Variants in EPG5 observed in about 807,000 individuals in gnomAD.
EPG5 encodes the protein ectopic P granules protein 5 homolog.
A neutral mutation model predicts 302.7 loss-of-function variants in EPG5; 159 were observed. The observed-to-expected ratio is 0.53, with a 90% confidence interval of 0.46 to 0.60. The LOEUF is 0.60. Ranked by LOEUF, EPG5 falls within the 20% of genes least tolerant of loss-of-function variation. The pLI is 0.00. For synonymous variants in EPG5, 1,158 were observed against 1,136.8 expected, an observed-to-expected ratio of 1.02 and a Z score of -0.37; for missense variants, 2,896 against 3,092.4, an observed-to-expected ratio of 0.94 and a Z score of 1.51.
chr18:45,932,205 A>G (rs1318583896), intron 11 of EPG5, among the ~76,000 whole-genome samples: 1 of 152,186 alleles, frequency 6.6e-6, no homozygotes, highest in Non-Finnish European at 1.5e-5. Context: ...AAGGCCTTAT[A>G]TTTTAAATAA....
the EPG5 span, among the ~76,000 whole-genome samples, chr18:45,803,579 C>T: frequency 1.3e-5 from 2 of 152,090 alleles, no homozygotes. Context: ...GAGGGCAACC[C>T]CAGCTGCTAG....
chr18:45,837,919 C>A, the EPG5 span: 1 of 1,466,406 alleles, frequency 6.8e-7, no homozygotes, highest in Non-Finnish European at 8.9e-7. Context: ...GGGAGCGGGT[C>A]CCCGGCCTCC....
chr18:45,934,689 C>T, intron 11 of EPG5, 120 bp downstream of exon 11: 1 of 1,115,634 alleles, frequency 9.0e-7, no homozygotes, highest in Non-Finnish European at 1.2e-6. Context: ...AAAATCATTA[C>T]ACATGAGTAT....
intron 27 of EPG5, among the ~76,000 whole-genome samples, chr18:45,894,331 C>T (rs2049421334): frequency 6.6e-6 from 1 of 151,946 alleles, no homozygotes; most frequent in African/African-American, 2.4e-5. Flanking sequence ...ACGGTGGCAC[C>T]TGCCTGTAAT....
At position 45,949,586 on chromosome 18, in the gene EPG5, G is replaced by A. The variant is rs374133150; in HGVS notation, c.1395C>T (p.Ser465=). The A allele has an allele frequency of 4.1e-5, 66 of 1,601,010 alleles. No homozygotes were observed. The highest frequency in any genetic ancestry group is 3.6e-4 in the South Asian group (33 of 90,486). The part of the protein sequence containing the change: ...DILLWLQKLV[S]VLQRVGCPGD... ...CAGGACAGCCAACTCTTTGTAGCAC[G>A]GATACCTGAACAATAAAGGTCATAT... The change falls in exon 5 of 44, where the codon TCC becomes TCT. Residue 465 remains serine, a synonymous_variant. Coordinates refer to ENST00000282041, the MANE Select transcript of EPG5 (RefSeq NM_020964.3).
At chr18:45,835,854 G>C in the EPG5 span, among the ~76,000 whole-genome samples, 2 of 152,198 alleles carry the variant, frequency 1.3e-5, no homozygotes, top group African/African-American at 4.8e-5. Flanking sequence ...TACAATGAAG[G>C]AAGAGGACAG....
In EPG5 at chr18:45,872,088, G is replaced by C. The variant is rs537506186; in HGVS notation, c.6050-1346C>G. 4.6e-5 allele frequency among the ~76,000 whole-genome samples: 7 copies of C among 152,186 alleles called. No homozygotes were observed. In the East Asian group the frequency reaches 1.4e-3, roughly 29 times the overall value. On this transcript the variant is annotated intron_variant, in intron 35 of 43. Coordinates refer to ENST00000282041, the MANE Select transcript of EPG5 (RefSeq NM_020964.3). ...AAATAACATTAATTTTTTAATTTTA[G>C]AAACGGTGGAAATGTTCCAAATGAC...
intron 11 of EPG5, among the ~76,000 whole-genome samples, chr18:45,933,426 C>A (rs1040752656): frequency 1.3e-5 from 2 of 152,184 alleles, no homozygotes; most frequent in African/African-American, 4.8e-5. Context: ...CGCCTATTAT[C>A]CCAGCGTTTT....
intron 30 of EPG5, among the ~76,000 whole-genome samples, chr18:45,883,308 T>A (rs1406508202): frequency 1.3e-5 from 2 of 152,166 alleles, no homozygotes; most frequent in Non-Finnish European, 2.9e-5. Context: ...TGTCTCAATT[T>A]AACAGCCATG....
At chr18:45,917,286 T>C (rs1269154379) in intron 17 of EPG5, among the ~76,000 whole-genome samples, 1 of 152,214 alleles carries the variant, frequency 6.6e-6, no homozygotes, top group Non-Finnish European at 1.5e-5. Context: ...ATCTTATCTG[T>C]TTGCAACACT....
the EPG5 span, among the ~76,000 whole-genome samples, chr18:45,815,248 A>T: frequency 6.6e-6 from 1 of 152,194 alleles, no homozygotes; most frequent in East Asian, 1.9e-4. Flanking sequence ...AGTCTTAGTA[A>T]TTGCTCATTG....
Position 45,917,797 on chromosome 18 carries a change from C to T in EPG5, c.3121G>A (p.Gly1041Ser). The T allele has an allele frequency of 1.2e-6, 2 of 1,614,128 alleles. No individual in the cohort carries two copies. The highest frequency in any genetic ancestry group is 1.7e-6 in the Non-Finnish European group (2 of 1,179,994). Reference protein sequence around the residue: ...GHSIEKFCAEGIPLLGILVQS... With the variant: ...GHSIEKFCAESIPLLGILVQS... ...ACCAGAATTCCCAATAGTGGGATGC[C>T]TTCTGCACAGAACTTCTCAATGCTA... Residue 1041 changes from glycine to serine, a missense_variant, in exon 17 of 44, where the codon GGC becomes AGC. Gly to Ser is a moderately conservative substitution (Grantham distance 56, BLOSUM62 0). Transcript: ENST00000282041.
intron 39 of EPG5, among the ~76,000 whole-genome samples, chr18:45,862,852 G>A (rs1371581436): frequency 6.6e-6 from 1 of 152,178 alleles, no homozygotes; most frequent in Admixed American, 6.5e-5. Context: ...TCCCATGTTA[G>A]CTGCATCCCA....
At chr18:45,842,210 C>G in the EPG5 span, 1 of 1,612,824 alleles carries the variant, frequency 6.2e-7, no homozygotes. Context: ...CCACCAACAT[C>G]CATTTCAGCA....
At chr18:45,966,926 G>A (rs944037411) in intron 1 of EPG5, among the ~76,000 whole-genome samples, 2 of 152,198 alleles carry the variant, frequency 1.3e-5, no homozygotes, top group African/African-American at 4.8e-5. Context: ...AGCAGAAAAG[G>A]AAGAGGCCAG....
intron 29 of EPG5, among the ~76,000 whole-genome samples, chr18:45,885,417 A>C (rs1273163386): frequency 6.6e-6 from 1 of 152,176 alleles, no homozygotes; most frequent in Non-Finnish European, 1.5e-5. Context: ...CTTTGAATCC[A>C]CAAACATGCA....
the EPG5 span, among the ~76,000 whole-genome samples, chr18:45,804,796 A>G: frequency 2.6e-5 from 4 of 152,216 alleles, no homozygotes; most frequent in Non-Finnish European, 5.9e-5. Flanking sequence ...GAAGAACATC[A>G]AAACTAGCAA....
chr18:45,966,764 G>T (rs996672906), intron 1 of EPG5, among the ~76,000 whole-genome samples: 1 of 152,180 alleles, frequency 6.6e-6, no homozygotes, highest in Non-Finnish European at 1.5e-5. Context: ...TACCTTCTCC[G>T]CGTGGAGGAG....
In EPG5 at chr18:45,855,607, C is replaced by A. The variant is rs751623844; in HGVS notation, c.7523G>T (p.Gly2508Val). 4 of 1,613,988 alleles carry A rather than the reference C, an allele frequency of 2.5e-6. No homozygotes were observed. The African/African-American group carries it at 5.3e-5, about 22-fold the overall frequency. ...TTTGGGGGTCAGATGTAATTCAGAG[C>A]CAGGCCTCAAACGGATCTGATCTTC... ...PMEDQIRLRP[G>V]SELHLTPKAQ... Residue 2508 changes from glycine to valine, a missense_variant, in exon 43 of 44, where the codon GGC becomes GTC. By Grantham distance (109) the Gly-to-Val change is moderately radical. Around this residue, in one of 5 missense-constraint regions of EPG5, gnomAD observed 620 missense variants for 704.2 expected, o/e 0.88. Transcript: ENST00000282041.
Sources: gnomAD v4.1 joint callset for allele counts (sites outside exome capture counted in the v4.1 genomes callset) on GRCh38, gnomAD v4.1.1 for gene constraint, gnomAD v4.1.1 regional missense constraint, MANE v1.5 for transcripts, NCBI Gene and HGNC (gene_info 2026-07-23, HGNC 2026-07-21) for gene names.